Variants in TGIF1 observed in about 807,000 individuals in gnomAD.
TGIF1 encodes homeobox protein TGIF1.
A neutral mutation model predicts 19.3 loss-of-function variants in TGIF1; 4 were observed. The ratio of observed to expected loss-of-function variants is 0.21; its 90% confidence interval spans 0.10 to 0.47. The LOEUF (loss-of-function observed/expected upper bound fraction) is 0.47, where lower values mean the gene tolerates loss of function less well. TGIF1 is among the 20% of genes least tolerant of loss of function. TGIF1 has a pLI of 0.98. For missense variants in TGIF1, 275 were observed against 341.4 expected, an observed-to-expected ratio of 0.81 and a Z score of 1.53; for synonymous variants, 122 against 129.3, an observed-to-expected ratio of 0.94 and a Z score of 0.38.
upstream of TGIF1, chr18:3,447,748 C>A (rs559278204): frequency 1.9e-6 from 3 of 1,614,068 alleles, no homozygotes; most frequent in African/African-American, 2.7e-5. Flanking sequence ...ATATGACTTG[C>A]TCGGGCAAAA....
At chr18:3,444,995 G>C (rs2082721665) in intron 2 of TGIF1, among the ~76,000 whole-genome samples, 1 of 152,176 alleles carries the variant, frequency 6.6e-6, no homozygotes, top group Non-Finnish European at 1.5e-5. Context: ...GTCACAGCTT[G>C]GGGGAAGGAT....
At chr18:3,430,555 T>G (rs940176417) in intron 2 of TGIF1, among the ~76,000 whole-genome samples, 20 of 152,152 alleles carry the variant, frequency 1.3e-4, no homozygotes, top group African/African-American at 4.3e-4. Context: ...CAGGCTGGGG[T>G]GCAGTGGTGT....
upstream of TGIF1, chr18:3,448,691 T>A: frequency 4.3e-6 from 3 of 689,986 alleles, no homozygotes; most frequent in Non-Finnish European, 5.3e-6. Flanking sequence ...AACTCTGGCC[T>A]CCACGCATTC....
chr18:3,450,834 C>G (rs971302639), intron 1 of TGIF1, among the ~76,000 whole-genome samples: 1 of 152,186 alleles, frequency 6.6e-6, no homozygotes, highest in African/African-American at 2.4e-5. Flanking sequence ...TGGCTTCTCG[C>G]TCTTTCTCGC....
Position 3,419,430 on chromosome 18 carries a change from C to T in TGIF1, c.-45+1215C>T, listed in dbSNP as rs180967871. ...ACCTTCAGCAACCAGAACTGCAAAC[C>T]ATACACCACATATAGAAGACACCAC... On this transcript the variant is annotated intron_variant, in intron 2 of 3. Coordinates refer to the TGIF1 transcript ENST00000401449. Among the ~76,000 whole-genome samples, 789 of 152,250 alleles carry T rather than the reference C, an allele frequency of 5.2e-3. 5 individuals carry two copies. The highest frequency in any genetic ancestry group is 0.018 in the African/African-American group (753 of 41,528).
In TGIF1 at chr18:3,436,828, G is replaced by A. The variant is rs562791111; in HGVS notation, c.-45+18613G>A. ...AGGGAGACTCAAAAAAAGAGGGCTG[G>A]GTTTGGTGGCTCACACCTGTAATTC... On this transcript the variant is annotated intron_variant, in intron 2 of 3. Transcript: ENST00000401449. Among the ~76,000 whole-genome samples, 3 of 150,872 alleles carry A rather than the reference G, an allele frequency of 2.0e-5. No individual in the cohort carries two copies. In the South Asian group the frequency reaches 6.3e-4, roughly 32 times the overall value.
chr18:3,447,466 G>A, upstream of TGIF1: 4 of 554,660 alleles, frequency 7.2e-6, no homozygotes, highest in Non-Finnish European at 9.7e-6. Flanking sequence ...CGAGAAAAAC[G>A]AATCAACAAA....
chr18:3,447,495 C>T, upstream of TGIF1: 1 of 602,274 alleles, frequency 1.7e-6, no homozygotes, highest in South Asian at 1.9e-5. Flanking sequence ...TAAGCAATTG[C>T]TGGTATCTGA....
chr18:3,444,788 A>G (rs1219312214), intron 2 of TGIF1, among the ~76,000 whole-genome samples: 1 of 152,252 alleles, frequency 6.6e-6, no homozygotes, highest in African/African-American at 2.4e-5. Context: ...TTAATAATGA[A>G]CATACATTTG....
In TGIF1 at chr18:3,433,051, G is replaced by A. The variant is rs549132713; in HGVS notation, c.-45+14836G>A. Among the ~76,000 whole-genome samples the A allele has an allele frequency of 2.6e-4, 40 of 151,542 alleles. No individual in the cohort carries two copies. The Middle Eastern group carries it at 0.01, about 39-fold the overall frequency. On this transcript the variant is annotated intron_variant, in intron 2 of 3. Transcript: ENST00000401449. The stretch of plus-strand genomic sequence containing the variant: ...TGGGATTACTGGCGTGAGCCACTGC[G>A]CCTGGCCTTCTTCTTCTTCTTCTTT...
At chr18:3,413,111 G>A (rs2082291509) in intron 1 of TGIF1, 1 of 152,204 alleles carries the variant, frequency 6.6e-6, no homozygotes, top group Middle Eastern at 3.2e-3. Flanking sequence ...TAAAATATAT[G>A]TAAATCTCAA....
chr18:3,445,747 AAAAAAAGAGAAGAAAAGC>A, upstream of TGIF1, among the ~76,000 whole-genome samples: 1 of 130,002 alleles, frequency 7.7e-6, no homozygotes, highest in Non-Finnish European at 1.6e-5. Context: ...AAAAAAAAAA[AAAAAAAGAGAAGAAAAGC>A]AAAAAAAAAA....
rs769745936 is a variant in TGIF1, at chr18:3,456,739, A to G, written c.243+159A>G. ...TAGTGTTAAAAGCTAATAACTAGCT[A>G]TTTAGAGAACACAGAAACACTTGAC... On this transcript the variant is annotated intron_variant, in intron 2 of 2. Coordinates refer to ENST00000343820, the MANE Select transcript of TGIF1 (RefSeq NM_003244.4). The surrounding 1 kb of genome is among the most constrained non-coding windows in gnomAD (Gnocchi z 4.2). 9 of 741,756 alleles carry G rather than the reference A, an allele frequency of 1.2e-5. 1 individual carries two copies. The highest frequency in any genetic ancestry group is 8.8e-5 in the South Asian group (6 of 68,270). The allele number at this position is 741,756 out of a possible 1,614,324, so 45.9% of individuals were successfully genotyped here.
At position 3,457,681 on chromosome 18, in the gene TGIF1, C is replaced by G. The variant is rs374994543; in HGVS notation, c.560C>G (p.Ser187Cys). ...TVTALKDVPF[S>C]LCQSVGVGQN... ...ACTGCATTGAAAGATGTCCCTTTCT[C>G]TCTCTGCCAGTCGGTCGGTGTGGGA... The change falls in exon 3 of 3, where the codon TCT becomes TGT. Residue 187 changes from serine to cysteine, a missense_variant. By Grantham distance (112) the Ser-to-Cys change is moderately radical. Coordinates refer to ENST00000343820, the MANE Select transcript of TGIF1 (RefSeq NM_003244.4). This position sits in a 1 kb window ranked among gnomAD's most constrained non-coding sequence, Gnocchi z 4.9. 16 of 1,614,250 alleles carry G rather than the reference C, an allele frequency of 9.9e-6. No individual in the cohort carries two copies. In the South Asian group the frequency reaches 1.3e-4, roughly 13 times the overall value.
intron 1 of TGIF1, chr18:3,415,098 C>T (rs1479575025): frequency 6.4e-6 from 1 of 156,960 alleles, no homozygotes; most frequent in Non-Finnish European, 1.4e-5. Context: ...GAGAAGAAGC[C>T]ATATTTGGTC....
intron 2 of TGIF1, among the ~76,000 whole-genome samples, chr18:3,429,330 T>G (rs921174981): frequency 9.9e-5 from 15 of 152,146 alleles, no homozygotes; most frequent in Non-Finnish European, 1.8e-4. Context: ...ATTACAGGCA[T>G]GAGCCACCAT....
At chr18:3,422,190 T>TAAA (rs33992043) in intron 2 of TGIF1, among the ~76,000 whole-genome samples, 4 of 121,024 alleles carry the variant, frequency 3.3e-5, no homozygotes, top group African/African-American at 5.7e-5. Flanking sequence ...TGAGACACCG[T>TAAA]AAAAAAAAAA....
intron 1 of TGIF1, among the ~76,000 whole-genome samples, chr18:3,414,353 T>A (rs1432908057): frequency 6.6e-6 from 1 of 152,172 alleles, no homozygotes; most frequent in Non-Finnish European, 1.5e-5. Context: ...ATATTCTCAT[T>A]TACACAACTA....
At chr18:3,449,695 GC>G, upstream of TGIF1, 1 of 985,446 alleles carries the variant, frequency 1.0e-6, no homozygotes, top group Non-Finnish European at 1.2e-6. Flanking sequence ...CCCGTGCCCC[GC>G]CCCTTGAATC....
Sources: allele counts gnomAD v4.1 joint callset (sites outside exome capture counted in the v4.1 genomes callset), GRCh38; gene constraint gnomAD v4.1.1; non-coding constraint Gnocchi (gnomAD v3.1); transcripts MANE v1.5; gene names NCBI Gene and HGNC (gene_info 2026-07-23, HGNC 2026-07-21).